CDYL: variants seen among roughly 807,000 people sequenced by gnomAD.
CDYL encodes chromodomain Y-like protein.
Under a neutral mutation model 47.3 loss-of-function variants are expected in CDYL, and 8 were observed. That is an observed-to-expected ratio of 0.17 (90% CI 0.10 to 0.31). CDYL has a LOEUF of 0.31. CDYL is among the 10% of genes least tolerant of loss of function. CDYL has a pLI of 1.00. For missense variants in CDYL, 471 were observed against 701.4 expected (o/e 0.67, Z 3.71); for synonymous variants, 266 against 265.0 (o/e 1.00, Z -0.04).
intron 2 of CDYL, among the ~76,000 whole-genome samples, chr6:4,724,023 G>T (rs955418101): frequency 6.6e-6 from 1 of 152,182 alleles, no homozygotes; most frequent in Non-Finnish European, 1.5e-5. Flanking sequence ...GCTAGTTTGA[G>T]TCCTGCATCT....
At chr6:4,708,501 T>C (rs1448602110) in intron 1 of CDYL, among the ~76,000 whole-genome samples, 1 of 152,198 alleles carries the variant, frequency 6.6e-6, no homozygotes, top group African/African-American at 2.4e-5. Flanking sequence ...TATCAATGAA[T>C]AAACATTTCC....
chr6:4,913,638 A>G (rs1026787267), intron 2 of CDYL, among the ~76,000 whole-genome samples: 1 of 152,158 alleles, frequency 6.6e-6, no homozygotes, highest in East Asian at 1.9e-4. Context: ...GGAACTCTCT[A>G]TACTTCCTTA....
At chr6:4,741,383 C>A (rs2127417059) in intron 3 of CDYL, among the ~76,000 whole-genome samples, 1 of 152,284 alleles carries the variant, frequency 6.6e-6, no homozygotes, top group Non-Finnish European at 1.5e-5. Context: ...CTGCAAAAGA[C>A]AAAGGCATAT....
chr6:4,802,354 A>G (rs577498515), intron 1 of CDYL, among the ~76,000 whole-genome samples: 1 of 152,294 alleles, frequency 6.6e-6, no homozygotes, highest in Non-Finnish European at 1.5e-5. Flanking sequence ...CCTGGGCAAC[A>G]TAGTGAGACC....
At chr6:4,842,759 A>T (rs926099166) in intron 1 of CDYL, among the ~76,000 whole-genome samples, 3 of 152,082 alleles carry the variant, frequency 2.0e-5, no homozygotes, top group Non-Finnish European at 4.4e-5. Flanking sequence ...GTTACTATTG[A>T]GATGCTAGGT....
chr6:4,880,056 TC>T (rs1240906326), intron 1 of CDYL, among the ~76,000 whole-genome samples: 1 of 152,012 alleles, frequency 6.6e-6, no homozygotes, highest in Non-Finnish European at 1.5e-5. Flanking sequence ...TCACCCCAAG[TC>T]CTTAGTTTAC....
chr6:4,865,184 A>G (rs1369709222), intron 1 of CDYL, among the ~76,000 whole-genome samples: 2 of 152,078 alleles, frequency 1.3e-5, no homozygotes, highest in Non-Finnish European at 2.9e-5. Flanking sequence ...ACTCCTGGTC[A>G]CCTGCTCCAT....
intron 3 of CDYL, among the ~76,000 whole-genome samples, chr6:4,756,592 G>GTC (rs1758079438): frequency 6.6e-6 from 1 of 151,860 alleles, no homozygotes; most frequent in Non-Finnish European, 1.5e-5. Context: ...GTGTGTGTGT[G>GTC]TGTGTGTGTG....
chr6:4,862,600 G>A (rs1318468840), intron 1 of CDYL, among the ~76,000 whole-genome samples: 2 of 152,198 alleles, frequency 1.3e-5, no homozygotes, highest in African/African-American at 4.8e-5. Flanking sequence ...GGGCTGTTAA[G>A]TTAATGTGAA....
chr6:4,897,703 G>A (rs2127491119), intron 2 of CDYL, among the ~76,000 whole-genome samples: 1 of 151,962 alleles, frequency 6.6e-6, no homozygotes. Context: ...GATAGCTTGA[G>A]GCCAGGAGTT....
rs115269220 is a variant in CDYL, at chr6:4,941,843, G to C, written c.1122-1703G>C. ...GTTTCCAGATGTCAGCCTGGGCAAC[G>C]GCTATAACAGTTTGCCTTCTGTTCC... On this transcript the variant is annotated intron_variant, in intron 4 of 6. Coordinates refer to ENST00000397588, the MANE Select transcript of CDYL (RefSeq NM_004824.4). Among the ~76,000 whole-genome samples, 225 of 152,192 alleles carry C rather than the reference G, an allele frequency of 1.5e-3. 1 individual carries two copies. Among genetic ancestry groups the C allele is most frequent in the African/African-American group, 5.2e-3 (214 of 41,526 alleles).
chr6:4,915,163 C>T (rs897412585), intron 2 of CDYL, among the ~76,000 whole-genome samples: 2 of 152,214 alleles, frequency 1.3e-5, no homozygotes, highest in African/African-American at 4.8e-5. Context: ...TCCTTTCGAT[C>T]ACCTCCCAGT....
intron 1 of CDYL, among the ~76,000 whole-genome samples, chr6:4,780,707 A>T (rs1758595329): frequency 6.6e-6 from 1 of 152,220 alleles, no homozygotes; most frequent in African/African-American, 2.4e-5. Flanking sequence ...AAGCAATTCT[A>T]CAAAACGTTT....
At chr6:4,777,863 T>C (rs1008550114) in intron 1 of CDYL, among the ~76,000 whole-genome samples, 1 of 152,218 alleles carries the variant, frequency 6.6e-6, no homozygotes, top group African/African-American at 2.4e-5. Context: ...TGTTGCTTTT[T>C]AAGAGCAAGT....
chr6:4,873,900 T>G (rs1198649930), intron 1 of CDYL, among the ~76,000 whole-genome samples: 1 of 152,192 alleles, frequency 6.6e-6, no homozygotes, highest in Non-Finnish European at 1.5e-5. Flanking sequence ...GCTTGCTCAT[T>G]CTGGTTCCCG....
At chr6:4,754,444 T>C (rs2127420878) in intron 3 of CDYL, among the ~76,000 whole-genome samples, 1 of 152,352 alleles carries the variant, frequency 6.6e-6, no homozygotes, top group South Asian at 2.1e-4. Context: ...TGATACATAG[T>C]TCTTGGACTC....
chr6:4,935,454 C>A, intron 2 of CDYL, 61 bp from the exon 3 acceptor site: 1 of 1,396,484 alleles, frequency 7.2e-7, no homozygotes, highest in Non-Finnish European at 1.0e-6. Context: ...TCAAAGATGA[C>A]ACCTGGGAGT....
chr6:4,743,959 G>A (rs1757841790), intron 3 of CDYL, among the ~76,000 whole-genome samples: 2 of 152,204 alleles, frequency 1.3e-5, no homozygotes, highest in African/African-American at 4.8e-5. Context: ...CTTTTCCTAT[G>A]TAGCTTGTGA....
At chr6:4,866,758 A>C (rs1174931093) in intron 1 of CDYL, among the ~76,000 whole-genome samples, 1 of 152,074 alleles carries the variant, frequency 6.6e-6, no homozygotes, top group Non-Finnish European at 1.5e-5. Context: ...CAAATTGACT[A>C]AAAAAGAGTA....
Sources: allele counts gnomAD v4.1 joint callset (sites outside exome capture counted in the v4.1 genomes callset), GRCh38; gene constraint gnomAD v4.1.1; transcripts MANE v1.5; gene names NCBI Gene and HGNC (gene_info 2026-07-23, HGNC 2026-07-21).